The following LIMS1 variants were observed in gnomAD, a reference collection of about 807,000 sequenced individuals.
LIMS1 encodes LIM zinc finger domain containing 1.
LIMS1 carries 18 observed loss-of-function variants against 44.1 expected under a neutral mutation model. The observed-to-expected ratio is 0.41, with a 90% CI of 0.28 to 0.61. The LOEUF is 0.61. Ranked by LOEUF, LIMS1 falls within the 20% of genes least tolerant of loss-of-function variation. The pLI, the probability that LIMS1 is intolerant of heterozygous loss-of-function variation, is 0.32. For synonymous variants in LIMS1, 93 were observed against 149.1 expected (o/e 0.62, Z 2.74); for missense variants, 201 against 422.0 (o/e 0.48, Z 4.59).
At chr2:108,632,425 G>T (rs1037775931) in intron 1 of LIMS1, among the ~76,000 whole-genome samples, 2 of 152,180 alleles carry the variant, frequency 1.3e-5, no homozygotes, top group Admixed American at 6.5e-5. Flanking sequence ...AAAGTTAAGT[G>T]CTGATGCTGC....
intron 1 of LIMS1, among the ~76,000 whole-genome samples, chr2:108,554,759 C>T (rs1684866708): frequency 6.6e-6 from 1 of 152,104 alleles, no homozygotes; most frequent in Non-Finnish European, 1.5e-5. Context: ...AGGAGGCGGC[C>T]AGACACCCTG....
intron 1 of LIMS1, among the ~76,000 whole-genome samples, chr2:108,543,737 A>G (rs1194391645): frequency 6.6e-6 from 1 of 152,212 alleles, no homozygotes; most frequent in Non-Finnish European, 1.5e-5. Context: ...TTACCTGTAG[A>G]CATATAGCTT....
intron 1 of LIMS1, among the ~76,000 whole-genome samples, chr2:108,635,321 AG>A (rs767198044): frequency 1.3e-5 from 2 of 150,918 alleles, no homozygotes; most frequent in South Asian, 2.1e-4. Flanking sequence ...CCAGCTACTC[AG>A]GGGGCCAAAG....
intron 1 of LIMS1, chr2:108,621,128 C>T: frequency 1.7e-6 from 1 of 590,272 alleles, no homozygotes; most frequent in Non-Finnish European, 2.7e-6. Flanking sequence ...CTTCCCCCCT[C>T]CCCAAGGTGC....
At position 108,686,750 on chromosome 2, in the gene LIMS1, T is replaced by G. The variant is rs1170154366; in HGVS notation, c.*2751T>G. The stretch of plus-strand genomic sequence containing the variant: ...GAGATTGCACCACTGCACTCCAGCC[T>G]GGGCGACAGAGCAAGACTCCGTCTC... On this transcript the variant is annotated 3_prime_UTR_variant, in exon 10 of 10. Coordinates refer to ENST00000544547, the Ensembl canonical transcript of LIMS1. The G allele has an allele frequency of 2.0e-5, 3 of 148,058 alleles. No homozygotes were observed. The South Asian group carries it at 6.5e-4, about 32-fold the overall frequency. The allele number at this position is 148,058 out of a possible 1,614,324, so 9.2% of individuals were successfully genotyped here.
rs200816455 is a variant in LIMS1, at chr2:108,672,443, G to A, written c.378G>A (p.Gly126=). The A allele has an allele frequency of 2.1e-4, 171 of 811,124 alleles. 1 individual carries two copies. The highest frequency in any genetic ancestry group is 5.0e-4 in the Admixed American group (13 of 25,952). 50.2% of individuals were successfully genotyped at this position (811,124 alleles called of 1,614,324 possible). A position where few individuals can be genotyped will look rare whatever the true frequency, so the allele number is the denominator to read the frequency against. ...ATATCGGGTTTGTCAAGAATGCTGG[G>A]AGGTAGGTGGATTTTCATCCTTGTC... The change falls in exon 4 of 10, where the codon GGG becomes GGA. Residue 126 remains glycine (G), a splice_region_variant and synonymous_variant. Transcript: ENST00000544547.
At chr2:108,548,900 T>C (rs1389560085) in intron 1 of LIMS1, among the ~76,000 whole-genome samples, 1 of 152,226 alleles carries the variant, frequency 6.6e-6, no homozygotes, top group Non-Finnish European at 1.5e-5. Context: ...TGTCATGCTT[T>C]CCAGGATAAA....
intron 2 of LIMS1, among the ~76,000 whole-genome samples, chr2:108,665,545 G>T (rs1221111982): frequency 6.0e-5 from 9 of 150,436 alleles, no homozygotes; most frequent in Non-Finnish European, 1.5e-5. Flanking sequence ...TATTTTTTTT[G>T]AGACAGAGTT....
chr2:108,584,618 A>G (rs539042998), intron 1 of LIMS1, among the ~76,000 whole-genome samples: 1 of 152,284 alleles, frequency 6.6e-6, no homozygotes, highest in African/African-American at 2.4e-5. Context: ...ATGAGAATGT[A>G]TAACGGGATC....
chr2:108,685,878 T>C (rs1469302998), exon 10 of LIMS1: 1 of 152,146 alleles, frequency 6.6e-6, no homozygotes, highest in Non-Finnish European at 1.5e-5. Flanking sequence ...ACGAGAAATA[T>C]GGAGGAGAAA....
Position 108,553,510 on chromosome 2 carries a change from TAGAAG to T in LIMS1, c.32+18920_32+18924del, listed in dbSNP as rs962319636. ...TCACACAATCCCAAAATACTAGAGTTAGAAGAGACTTTAGAGAACTATCCAGCTCT... is the reference window on the plus strand; with the variant it reads ...TCACACAATCCCAAAATACTAGAGTTAGACTTTAGAGAACTATCCAGCTCT... On this transcript the variant is annotated intron_variant, in intron 1 of 9. Transcript: ENST00000544547. Among the ~76,000 whole-genome samples the T allele has an allele frequency of 1.8e-4, 27 of 152,176 alleles. 1 individual carries two copies. Among genetic ancestry groups the T allele is most frequent in the Admixed American group, 7.9e-4 (12 of 15,270 alleles).
chr2:108,630,188 GT>G (rs1231850018), intron 1 of LIMS1, among the ~76,000 whole-genome samples: 1 of 63,968 alleles, frequency 1.6e-5, no homozygotes, highest in East Asian at 3.7e-4. Flanking sequence ...GTGAGACCCT[GT>G]CTCAAAAAAA....
chr2:108,667,899 A>G lies in LIMS1; in HGVS notation c.193-2882A>G, dbSNP rs74347336. Among the ~76,000 whole-genome samples, 849 of 152,316 alleles carry G rather than the reference A, an allele frequency of 5.6e-3. 7 individuals are homozygous for G. Among genetic ancestry groups the G allele is most frequent in the African/African-American group, 0.019 (808 of 41,550 alleles). The stretch of plus-strand genomic sequence containing the variant: ...CTAATAAAATGTAAATGCTATGTAC[A>G]TAGTTGTTACACTGTGTTTTTAAAT... On this transcript the variant is annotated intron_variant, in intron 2 of 9. Transcript: ENST00000544547.
intron 1 of LIMS1, among the ~76,000 whole-genome samples, chr2:108,640,154 G>A (rs555277159): frequency 5.9e-5 from 9 of 152,286 alleles, no homozygotes; most frequent in African/African-American, 9.6e-5. Context: ...GAGTAAGAGC[G>A]TCACAAGAGT....
chr2:108,641,159 T>A (rs1689644577), intron 1 of LIMS1, among the ~76,000 whole-genome samples: 1 of 152,206 alleles, frequency 6.6e-6, no homozygotes, highest in African/African-American at 2.4e-5. Flanking sequence ...AAACGATGTA[T>A]TTTAGATGAT....
intron 1 of LIMS1, among the ~76,000 whole-genome samples, chr2:108,569,196 G>T (rs1398154689): frequency 3.9e-5 from 6 of 152,020 alleles, no homozygotes; most frequent in Non-Finnish European, 5.9e-5. Flanking sequence ...TGGCCGTGTT[G>T]TTGTTCTTCA....
chr2:108,577,062 C>T (rs1227852843), intron 1 of LIMS1, among the ~76,000 whole-genome samples: 3 of 152,156 alleles, frequency 2.0e-5, no homozygotes, highest in South Asian at 2.1e-4. Flanking sequence ...GAAAACAGTA[C>T]GATCTCTCAG....
At chr2:108,589,191 A>G (rs1686252716) in intron 1 of LIMS1, among the ~76,000 whole-genome samples, 1 of 152,130 alleles carries the variant, frequency 6.6e-6, no homozygotes, top group South Asian at 2.1e-4. Context: ...TTTAAAAAAA[A>G]AAAACTGGTC....
rs1042572922 is a variant in LIMS1, at chr2:108,680,643, T to A, written c.824-52T>A. On this transcript the variant is annotated intron_variant, in intron 8 of 9. Coordinates refer to ENST00000544547, the Ensembl canonical transcript of LIMS1. ...GAGTTGAAATTCTAAGCTGCCCTGCTCCCCATACTGATGTATTTCCATGTG... is the reference window on the plus strand; with the variant it reads ...GAGTTGAAATTCTAAGCTGCCCTGCACCCCATACTGATGTATTTCCATGTG... The A allele has an allele frequency of 5.7e-6, 9 of 1,583,496 alleles. No homozygotes were observed. In the African/African-American group the frequency reaches 1.2e-4, roughly 22 times the overall value.
Sources: gnomAD v4.1 joint callset for allele counts (sites outside exome capture counted in the v4.1 genomes callset) on GRCh38, gnomAD v4.1.1 for gene constraint, MANE v1.5 for transcripts, NCBI Gene and HGNC (gene_info 2026-07-23, HGNC 2026-07-21) for gene names.